The following DLGAP2 variants were observed in gnomAD, a reference collection of about 807,000 sequenced individuals.
The protein encoded by DLGAP2 is disks large-associated protein 2.
Under a neutral mutation model 100.3 loss-of-function variants are expected in DLGAP2, and 26 were observed. The observed-to-expected ratio is 0.26, with a 90% CI of 0.19 to 0.36. DLGAP2 has a LOEUF of 0.36. Ranked by LOEUF, DLGAP2 falls within the 10% of genes least tolerant of loss-of-function variation. The pLI is 1.00. For synonymous variants in DLGAP2, 886 were observed against 630.1 expected, an observed-to-expected ratio of 1.41 and a Z score of -6.08; for missense variants, 1,858 against 1,453.2, an observed-to-expected ratio of 1.28 and a Z score of -4.53.
intron 2 of DLGAP2, among the ~76,000 whole-genome samples, chr8:981,140 C>T (rs1304474743): frequency 6.6e-6 from 1 of 152,116 alleles, no homozygotes; most frequent in Non-Finnish European, 1.5e-5. Context: ...TTCCCCTATG[C>T]TAGATATTTC....
intron 1 of DLGAP2, among the ~76,000 whole-genome samples, chr8:790,991 C>T (rs1190578438): frequency 6.6e-6 from 1 of 152,198 alleles, no homozygotes; most frequent in Non-Finnish European, 1.5e-5. Flanking sequence ...GATGCACCCG[C>T]CTCAGCCTCC....
intron 2 of DLGAP2, among the ~76,000 whole-genome samples, chr8:1,101,025 C>T (rs1050560839): frequency 3.9e-5 from 6 of 152,202 alleles, no homozygotes; most frequent in Admixed American, 6.5e-5. Flanking sequence ...GCTGGTCCCA[C>T]GTGGGGTTTC....
chr8:1,006,365 G>A (rs1020689366), intron 2 of DLGAP2, among the ~76,000 whole-genome samples: 3 of 151,348 alleles, frequency 2.0e-5, no homozygotes, highest in Non-Finnish European at 4.4e-5. Context: ...CAAGTCTCGC[G>A]AGGTGGTCCT....
chr8:1,193,297 A>T (rs1369847998), intron 2 of DLGAP2, among the ~76,000 whole-genome samples: 1 of 152,156 alleles, frequency 6.6e-6, no homozygotes, highest in Non-Finnish European at 1.5e-5. Context: ...CAACAGTGTA[A>T]AAGTGTTCCC....
chr8:1,130,209 G>A (rs542533109), intron 2 of DLGAP2, among the ~76,000 whole-genome samples: 9 of 152,140 alleles, frequency 5.9e-5, no homozygotes, highest in South Asian at 2.1e-4. Flanking sequence ...AGTGAGGTGC[G>A]TTATTGACAA....
At chr8:1,253,144 G>C (rs1178003558) in intron 2 of DLGAP2, among the ~76,000 whole-genome samples, 1 of 152,230 alleles carries the variant, frequency 6.6e-6, no homozygotes, top group South Asian at 2.1e-4. Context: ...TTCATGGCTG[G>C]GTTGGAACCA....
chr8:983,191 A>G (rs1270650627), intron 2 of DLGAP2, among the ~76,000 whole-genome samples: 1 of 152,150 alleles, frequency 6.6e-6, no homozygotes, highest in Non-Finnish European at 1.5e-5. Flanking sequence ...ACCTTTAAAT[A>G]TGCCCTTAGA....
intron 2 of DLGAP2, among the ~76,000 whole-genome samples, chr8:1,162,125 A>G (rs759180395): frequency 2.0e-5 from 3 of 152,214 alleles, no homozygotes; most frequent in African/African-American, 2.4e-5. Flanking sequence ...CAGATTCCAC[A>G]GGAGGCTACG....
chr8:1,369,713 C>T (rs1344117204), intron 3 of DLGAP2: 1 of 152,310 alleles, frequency 6.6e-6, no homozygotes, highest in Non-Finnish European at 1.5e-5. Flanking sequence ...GCTTTTCCAA[C>T]TTACCCTAGC....
At chr8:1,141,108 A>T (rs1796513257) in intron 2 of DLGAP2, among the ~76,000 whole-genome samples, 1 of 152,066 alleles carries the variant, frequency 6.6e-6, no homozygotes, top group African/African-American at 2.4e-5. Flanking sequence ...GACAGTAATG[A>T]TGGGGAGGCC....
intron 2 of DLGAP2, among the ~76,000 whole-genome samples, chr8:1,159,243 A>G (rs775461635): frequency 5.9e-5 from 9 of 152,242 alleles, no homozygotes; most frequent in Non-Finnish European, 8.8e-5. Context: ...TGTTCCATCT[A>G]TGAAATCAAA....
intron 2 of DLGAP2, among the ~76,000 whole-genome samples, chr8:1,191,119 A>G (rs984035714): frequency 3.3e-5 from 5 of 152,192 alleles, no homozygotes; most frequent in Non-Finnish European, 4.4e-5. Context: ...ATGTCTTGCA[A>G]TACATTTTGT....
chr8:1,412,498 C>G (rs1236075165), intron 3 of DLGAP2, among the ~76,000 whole-genome samples: 4 of 152,210 alleles, frequency 2.6e-5, no homozygotes, highest in African/African-American at 9.6e-5. Context: ...TGCTACTTGA[C>G]CTGCAGAATA....
At chr8:1,547,526 G>A (rs984605485) in intron 4 of DLGAP2, among the ~76,000 whole-genome samples, 8 of 152,104 alleles carry the variant, frequency 5.3e-5, no homozygotes, top group Admixed American at 2.0e-4. Flanking sequence ...GTTGAGGGGG[G>A]CCTGCCAGAA....
chr8:1,330,384 C>T (rs183250602), intron 3 of DLGAP2, among the ~76,000 whole-genome samples: 76 of 142,492 alleles, frequency 5.3e-4, no homozygotes, highest in African/African-American at 1.9e-3. Context: ...GGTGGGAGCA[C>T]CTCTTCACAG....
At chr8:1,312,412 C>A (rs993851988) in intron 3 of DLGAP2, among the ~76,000 whole-genome samples, 1 of 152,172 alleles carries the variant, frequency 6.6e-6, no homozygotes, top group Non-Finnish European at 1.5e-5. Flanking sequence ...ACAGATTTGA[C>A]AACATCTTTG....
chr8:1,276,210 T>C (rs1799690622), intron 3 of DLGAP2, among the ~76,000 whole-genome samples: 1 of 147,692 alleles, frequency 6.8e-6, no homozygotes. Flanking sequence ...CAATCAACAC[T>C]CCCCCCCCGA....
At chr8:1,357,824 G>A (rs1469307367) in intron 3 of DLGAP2, among the ~76,000 whole-genome samples, 1 of 152,194 alleles carries the variant, frequency 6.6e-6, no homozygotes, top group African/African-American at 2.4e-5. Flanking sequence ...GCTCAGGGCT[G>A]TGGGCCTCAG....
chr8:1,281,736 T>C (rs1799817408), intron 3 of DLGAP2, among the ~76,000 whole-genome samples: 1 of 152,190 alleles, frequency 6.6e-6, no homozygotes, highest in Admixed American at 6.5e-5. Flanking sequence ...TCCTAGCTCC[T>C]TGAAAGCCTT....
Sources: gnomAD v4.1 joint callset for allele counts (sites outside exome capture counted in the v4.1 genomes callset) on GRCh38, gnomAD v4.1.1 for gene constraint, MANE v1.5 for transcripts, NCBI Gene and HGNC (gene_info 2026-07-23, HGNC 2026-07-21) for gene names.